The following SMAP1 variants were observed in gnomAD, a reference collection of about 807,000 sequenced individuals.
SMAP1 encodes stromal membrane-associated protein 1.
SMAP1 carries 24 observed loss-of-function variants against 58.5 expected under a neutral mutation model. The observed-to-expected ratio is 0.41, with a 90% CI of 0.30 to 0.58. SMAP1 has a LOEUF of 0.58. SMAP1 is among the 20% of genes least tolerant of loss of function. SMAP1 has a pLI of 0.29. For missense variants in SMAP1, 563 were observed against 566.3 expected, an observed-to-expected ratio of 0.99 and a Z score of 0.06; for synonymous variants, 216 against 196.6, an observed-to-expected ratio of 1.10 and a Z score of -0.82.
intron 6 of SMAP1, among the ~76,000 whole-genome samples, chr6:70,801,181 T>G (rs1582215237): frequency 6.6e-6 from 1 of 152,320 alleles, no homozygotes; most frequent in East Asian, 1.9e-4. Flanking sequence ...CAACATCTGT[T>G]GCTTCCTGAC....
intron 6 of SMAP1, among the ~76,000 whole-genome samples, chr6:70,833,807 G>T (rs77170119): frequency 0.015 from 2,223 of 152,096 alleles, 57 homozygotes; most frequent in East Asian, 0.1. Flanking sequence ...AAAAAGTTTC[G>T]TTGTGGCCCA....
rs571647035 is a variant in SMAP1 at position 70,698,720 on chromosome 6, C to T, written c.118+30579C>T. On this transcript the variant is annotated intron_variant, in intron 1 of 10. Coordinates refer to ENST00000370455, the MANE Select transcript of SMAP1 (RefSeq NM_001044305.3). The stretch of plus-strand genomic sequence containing the variant: ...GTATGTCAGTTGAATTTTTCAGGTT[C>T]AGAATTTCTGCTTGATTTTTAGTTA... 2.4e-4 allele frequency among the ~76,000 whole-genome samples: 36 copies of T among 151,546 alleles called. No homozygotes were observed. In the Middle Eastern group the frequency reaches 0.017, roughly 72 times the overall value.
chr6:70,697,387 C>A (rs1039883675), intron 1 of SMAP1, among the ~76,000 whole-genome samples: 3 of 151,708 alleles, frequency 2.0e-5, no homozygotes, highest in Non-Finnish European at 4.4e-5. Context: ...CTCACTGCAA[C>A]CTCCGCCTCC....
chr6:70,701,755 A>G (rs1767639023), intron 1 of SMAP1, among the ~76,000 whole-genome samples: 1 of 152,088 alleles, frequency 6.6e-6, no homozygotes, highest in South Asian at 2.1e-4. Context: ...TAGTGTAGGC[A>G]ATTCAAAATT....
chr6:70,738,214 C>T (rs1306886917), intron 2 of SMAP1, among the ~76,000 whole-genome samples: 2 of 152,086 alleles, frequency 1.3e-5, no homozygotes, highest in Admixed American at 1.3e-4. Context: ...CTTTAGTTAC[C>T]ATAGCAGTTC....
intron 3 of SMAP1, among the ~76,000 whole-genome samples, chr6:70,771,754 C>G (rs1767326823): frequency 6.6e-6 from 1 of 152,156 alleles, no homozygotes; most frequent in African/African-American, 2.4e-5. Context: ...GTGTGCTGCA[C>G]CACTGTCCTG....
chr6:70,851,430 G>T (rs1771180850), intron 7 of SMAP1, among the ~76,000 whole-genome samples: 1 of 152,180 alleles, frequency 6.6e-6, no homozygotes, highest in Admixed American at 6.5e-5. Context: ...CCCATTCATT[G>T]TTGAAAAGGT....
intron 6 of SMAP1, among the ~76,000 whole-genome samples, chr6:70,817,638 A>G (rs937172410): frequency 3.9e-5 from 6 of 151,996 alleles, no homozygotes; most frequent in African/African-American, 1.5e-4. Flanking sequence ...CCCCTTTGTG[A>G]TTGTACTTCT....
intron 1 of SMAP1, among the ~76,000 whole-genome samples, chr6:70,695,523 G>T (rs986361483): frequency 6.6e-6 from 1 of 152,072 alleles, no homozygotes; most frequent in African/African-American, 2.4e-5. Context: ...ATCTTTTTCA[G>T]TATCAGTTGA....
chr6:70,804,814 G>T (rs1253766790), intron 6 of SMAP1, among the ~76,000 whole-genome samples: 1 of 152,128 alleles, frequency 6.6e-6, no homozygotes, highest in Non-Finnish European at 1.5e-5. Context: ...TAAGAATGTT[G>T]TATATTGACC....
At chr6:70,711,255 A>G (rs1190674260) in intron 1 of SMAP1, among the ~76,000 whole-genome samples, 1 of 152,206 alleles carries the variant, frequency 6.6e-6, no homozygotes, top group Non-Finnish European at 1.5e-5. Flanking sequence ...ATTATCACAG[A>G]CATGTTAGTA....
rs1167183141 is a variant in SMAP1 at position 70,745,316 on chromosome 6, G to T, written c.253-9664G>T. On this transcript the variant is annotated intron_variant, in intron 2 of 10. Coordinates refer to ENST00000370455, the MANE Select transcript of SMAP1 (RefSeq NM_001044305.3). ...GTTTTTATGGTTTTAGGTCTAACAT[G>T]TAAGTCTTTAATCCATCTTGAATTA... Among the ~76,000 whole-genome samples, 4 of 152,228 alleles carry T rather than the reference G, an allele frequency of 2.6e-5. No homozygotes were observed. In the East Asian group the frequency reaches 7.7e-4, roughly 29 times the overall value.
intron 7 of SMAP1, chr6:70,837,668 C>T (rs12199707): frequency 0.67 from 281,363 of 421,010 alleles, 93,470 homozygotes; most frequent in East Asian, 0.89. Context: ...CTCTCTCTCT[C>T]TTTTTTTTTT....
At chr6:70,719,153 A>G (rs896824964) in intron 1 of SMAP1, among the ~76,000 whole-genome samples, 2 of 152,312 alleles carry the variant, frequency 1.3e-5, no homozygotes, top group East Asian at 1.9e-4. Context: ...TACTTGTTCT[A>G]TGAAAAATGA....
At chr6:70,842,053 G>GT (rs1385518225) in intron 7 of SMAP1, among the ~76,000 whole-genome samples, 1 of 152,212 alleles carries the variant, frequency 6.6e-6, no homozygotes, top group East Asian at 1.9e-4. Flanking sequence ...AAAACCGCTG[G>GT]TGTCCTAGAG....
At chr6:70,734,745 A>T (rs1765558805) in intron 2 of SMAP1, 1 of 152,704 alleles carries the variant, frequency 6.5e-6, no homozygotes, top group African/African-American at 2.4e-5. Context: ...TGTCTTCTTT[A>T]TATCTTGAAA....
chr6:70,858,357 T>C (rs951787838), intron 10 of SMAP1, 128 bp downstream of exon 10: 2 of 768,790 alleles, frequency 2.6e-6, no homozygotes, highest in South Asian at 2.2e-5. Flanking sequence ...AGGGATAATA[T>C]GTTATAGGGT....
At chr6:70,769,782 T>C (rs1248211552) in intron 3 of SMAP1, among the ~76,000 whole-genome samples, 1 of 152,230 alleles carries the variant, frequency 6.6e-6, no homozygotes, top group African/African-American at 2.4e-5. Flanking sequence ...TGTGTGAATT[T>C]GATCCTGTCA....
chr6:70,836,878 G>C (rs1770610156), intron 6 of SMAP1, 63 bp from the exon 7 acceptor site: 1 of 1,301,150 alleles, frequency 7.7e-7, no homozygotes. Flanking sequence ...TAATTAATTG[G>C]GGCTTAAAAT....
Sources: allele counts gnomAD v4.1 joint callset (sites outside exome capture counted in the v4.1 genomes callset), GRCh38; gene constraint gnomAD v4.1.1; transcripts MANE v1.5; gene names NCBI Gene and HGNC (gene_info 2026-07-23, HGNC 2026-07-21).